Variants in KDM2A observed in about 807,000 individuals in gnomAD.
The protein encoded by KDM2A is lysine-specific demethylase 2A.
In KDM2A, 3 loss-of-function variants were observed where a neutral mutation model predicts 137.3. That is an observed-to-expected ratio of 0.02 (90% confidence interval 0.01 to 0.06). The LOEUF is 0.06. Among genes scored for constraint, KDM2A ranks in the 10% least tolerant of loss-of-function variants. The pLI, the probability that KDM2A is intolerant of heterozygous loss-of-function variation, is 1.00. For synonymous variants in KDM2A, 512 were observed against 541.5 expected, an observed-to-expected ratio of 0.95 and a Z score of 0.76; for missense variants, 738 against 1,510.6, an observed-to-expected ratio of 0.49 and a Z score of 8.48.
chr11:67,214,200 G>GGCAT (rs1858083961), intron 6 of KDM2A, among the ~76,000 whole-genome samples: 1 of 40,460 alleles, frequency 2.5e-5, no homozygotes, highest in African/African-American at 9.7e-5. Flanking sequence ...GCCACCATGC[G>GGCAT]CAGCTAATTT....
chr11:67,240,028 C>G (rs554340628), intron 12 of KDM2A: 3 of 1,297,880 alleles, frequency 2.3e-6, no homozygotes, highest in African/African-American at 1.5e-5. Context: ...TCGCTCGGCT[C>G]CCCCTCCTGC....
intron 2 of KDM2A, among the ~76,000 whole-genome samples, chr11:67,134,775 G>A (rs980356270): frequency 2.0e-5 from 3 of 152,148 alleles, no homozygotes; most frequent in African/African-American, 7.2e-5. Context: ...AAAGTGCTGG[G>A]ATTACAAGTG....
intron 2 of KDM2A, among the ~76,000 whole-genome samples, chr11:67,131,655 A>G (rs1239604782): frequency 1.3e-5 from 2 of 151,956 alleles, no homozygotes; most frequent in Non-Finnish European, 2.9e-5. Context: ...CGGGTGATCC[A>G]CTTGCCTTGG....
chr11:67,245,857 T>A lies in KDM2A; in HGVS notation c.1834-128T>A. ...CCCAAAACCTCCGTTCTCTCCACCCTGCCTCCATGCTTCCAGGTGTTTAGT... is the reference window on the plus strand; with the variant it reads ...CCCAAAACCTCCGTTCTCTCCACCCAGCCTCCATGCTTCCAGGTGTTTAGT... On this transcript the variant is annotated intron_variant, in intron 14 of 20. Coordinates refer to ENST00000529006, the MANE Select transcript of KDM2A (RefSeq NM_012308.3). The surrounding 1 kb of genome is among the most constrained non-coding windows in gnomAD (Gnocchi z 4.1). 9.0e-7 allele frequency: 1 copy of A among 1,109,820 alleles called. No homozygotes were observed. The highest frequency in any genetic ancestry group is 1.3e-6 in the Non-Finnish European group (1 of 780,584). The allele number at this position is 1,109,820 out of a possible 1,614,324, so 68.7% of individuals were successfully genotyped here.
rs1374295052 is a variant in KDM2A at position 67,119,696 on chromosome 11, C to T, written c.-437C>T. 1 of 149,630 alleles carries T rather than the reference C, an allele frequency of 6.7e-6. No individual in the cohort carries two copies. The highest frequency in any genetic ancestry group is 2.4e-5 in the African/African-American group (1 of 41,084). 9.3% of individuals were successfully genotyped at this position (149,630 alleles called of 1,614,324 possible). A position where few individuals can be genotyped will look rare whatever the true frequency, so the allele number is the denominator to read the frequency against. The stretch of plus-strand genomic sequence containing the variant: ...ATCGGCCGCTGCTCCCGCAGGCGAC[C>T]AGCCCCTGCTGGCCGAGGGCACGGC... On this transcript the variant is annotated 5_prime_UTR_variant, in exon 1 of 21. Transcript: ENST00000529006.
At chr11:67,235,691 G>A (rs930098881) in intron 12 of KDM2A, among the ~76,000 whole-genome samples, 6 of 151,526 alleles carry the variant, frequency 4.0e-5, no homozygotes, top group Non-Finnish European at 8.8e-5. Context: ...GCGCCATCTC[G>A]GCTCACTGCA....
At chr11:67,226,505 G>A (rs894631381) in intron 10 of KDM2A, among the ~76,000 whole-genome samples, 23 of 152,112 alleles carry the variant, frequency 1.5e-4, no homozygotes, top group African/African-American at 5.3e-4. Flanking sequence ...GGCAGATCAC[G>A]AGGTCAGGAG....
intron 2 of KDM2A, among the ~76,000 whole-genome samples, chr11:67,156,263 A>T (rs76715188): frequency 1.3e-5 from 2 of 150,148 alleles, no homozygotes; most frequent in African/African-American, 4.9e-5. Context: ...AAAAAAAAAA[A>T]TCACAAGGAG....
chr11:67,140,152 G>A (rs1190698599), intron 2 of KDM2A, among the ~76,000 whole-genome samples: 1 of 151,998 alleles, frequency 6.6e-6, no homozygotes, highest in Non-Finnish European at 1.5e-5. Flanking sequence ...CAAGGCTTGA[G>A]CTCAGGAGTT....
chr11:67,184,433 G>C (rs568875752), intron 5 of KDM2A, among the ~76,000 whole-genome samples: 5 of 152,250 alleles, frequency 3.3e-5, no homozygotes, highest in African/African-American at 1.2e-4. Flanking sequence ...TTCGAGACCA[G>C]CCTGACCAAC....
At chr11:67,209,739 C>T (rs1203690650) in intron 6 of KDM2A, among the ~76,000 whole-genome samples, 4 of 152,158 alleles carry the variant, frequency 2.6e-5, no homozygotes, top group Admixed American at 2.0e-4. Flanking sequence ...CCACTGTACC[C>T]GGCCAATTTC....
At chr11:67,216,932 A>T (rs1015211809) in intron 8 of KDM2A, among the ~76,000 whole-genome samples, 1 of 151,428 alleles carries the variant, frequency 6.6e-6, no homozygotes, top group African/African-American at 2.4e-5. Context: ...AAAAAGAAAC[A>T]AACAACAACA....
At chr11:67,169,753 CTCTCTCTT>C (rs893524943) in intron 2 of KDM2A, among the ~76,000 whole-genome samples, 1 of 51,026 alleles carries the variant, frequency 2.0e-5, no homozygotes, top group African/African-American at 3.2e-5. Context: ...CTCTCTCTCT[CTCTCTCTT>C]TTTTTTTTTT....
chr11:67,166,119 G>A (rs1856736857), intron 2 of KDM2A, among the ~76,000 whole-genome samples: 1 of 151,748 alleles, frequency 6.6e-6, no homozygotes. Context: ...ATTTCAGTAG[G>A]TGTTTCACTG....
chr11:67,134,651 T>C (rs1235549092), intron 2 of KDM2A, among the ~76,000 whole-genome samples: 2 of 151,926 alleles, frequency 1.3e-5, no homozygotes, highest in Admixed American at 1.3e-4. Context: ...ATTACAGGTA[T>C]GCGTCGCCAC....
chr11:67,228,925 C>G (rs185696202), intron 11 of KDM2A, among the ~76,000 whole-genome samples: 13 of 152,140 alleles, frequency 8.5e-5, no homozygotes, highest in Admixed American at 8.5e-4. Flanking sequence ...AAGTCTTGCT[C>G]TGTTGCCCAG....
At chr11:67,130,911 A>G (rs1215598741) in intron 2 of KDM2A, among the ~76,000 whole-genome samples, 4 of 150,560 alleles carry the variant, frequency 2.7e-5, no homozygotes, top group East Asian at 2.0e-4. Flanking sequence ...GGGAGGGGCC[A>G]TGACTTGCCC....
chr11:67,179,723 C>G (rs1857046773), intron 2 of KDM2A, among the ~76,000 whole-genome samples: 1 of 152,142 alleles, frequency 6.6e-6, no homozygotes, highest in African/African-American at 2.4e-5. Flanking sequence ...ATTTTGTATC[C>G]TGGCTTGAAA....
intron 9 of KDM2A, 103 bp from the exon 10 acceptor site, chr11:67,219,185 A>G (rs933287803): frequency 2.1e-6 from 1 of 470,558 alleles, no homozygotes; most frequent in African/African-American, 2.0e-5. Context: ...AAGAAGCAGA[A>G]TCAGAGTGAA....
Sources: gnomAD v4.1 joint callset for allele counts (sites outside exome capture counted in the v4.1 genomes callset) on GRCh38, gnomAD v4.1.1 for gene constraint, Gnocchi (gnomAD v3.1) non-coding constraint, MANE v1.5 for transcripts, NCBI Gene and HGNC (gene_info 2026-07-23, HGNC 2026-07-21) for gene names.